The following TRIM2 variants were observed in gnomAD, a reference collection of about 807,000 sequenced individuals.
TRIM2 encodes tripartite motif-containing protein 2.
TRIM2 carries 20 observed loss-of-function variants against 75.2 expected under a neutral mutation model. The ratio of observed to expected loss-of-function variants is 0.27; its 90% CI spans 0.19 to 0.39. The LOEUF is 0.39. Ranked by LOEUF, TRIM2 falls within the 10% of genes least tolerant of loss-of-function variation. TRIM2 has a pLI of 1.00. For synonymous variants in TRIM2, 373 were observed against 388.3 expected, an observed-to-expected ratio of 0.96 and a Z score of 0.46; for missense variants, 660 against 990.8, an observed-to-expected ratio of 0.67 and a Z score of 4.48.
intron 6 of TRIM2, among the ~76,000 whole-genome samples, chr4:153,309,030 A>C (rs1277400553): frequency 1.3e-5 from 2 of 152,218 alleles, no homozygotes; most frequent in Non-Finnish European, 2.9e-5. Flanking sequence ...AGTGCTAGGC[A>C]CTATGCTGTG....
intron 6 of TRIM2, among the ~76,000 whole-genome samples, chr4:153,296,553 C>T (rs1762811310): frequency 6.6e-6 from 1 of 152,180 alleles, no homozygotes; most frequent in Admixed American, 6.5e-5. Context: ...AAGTTGCAAC[C>T]ACCTCCAGCT....
chr4:153,295,694 G>A lies in TRIM2; in HGVS notation c.1168G>A (p.Ala390Thr), dbSNP rs754123914. Residue 390 changes from alanine (A) to threonine (T), a missense_variant, in exon 6 of 12, where the codon GCC (alanine) becomes ACC (threonine). Coordinates refer to ENST00000338700, the MANE Select transcript of TRIM2 (RefSeq NM_015271.5). This position sits in a 1 kb window ranked among gnomAD's most constrained non-coding sequence, Gnocchi z 7.2. The part of the protein sequence containing the change: ...KDGELCKTGN[A>T]YLTAELSTPD... ...CGGTGAGCTGTGCAAAACCGGCAAC[G>A]CCTACCTCACCGCCGAACTGAGCAC... is the stretch of plus-strand genomic sequence containing the variant. The A allele has an allele frequency of 5.0e-6, 8 of 1,613,944 alleles. No individual in the cohort carries two copies. The highest frequency in any genetic ancestry group is 2.2e-5 in the East Asian group (1 of 44,872).
Position 153,244,363 on chromosome 4 carries a change from CTTCT to C in TRIM2, c.31-25970_31-25967del, listed in dbSNP as rs1748140562. Among the ~76,000 whole-genome samples the C allele has an allele frequency of 1.9e-4, 7 of 36,372 alleles. 2 individuals are homozygous for C. The highest frequency in any genetic ancestry group is 6.8e-4 in the African/African-American group (3 of 4,442). 23.9% of individuals were successfully genotyped at this position (36,372 alleles called of 152,430 possible). ...TCTTCTTCTTCTTCTTCCTCTTCTT[CTTCT>C]TCTTCTTCTTCTTCTTCTTCTTCTT... On this transcript the variant is annotated intron_variant, in intron 1 of 11. Transcript: ENST00000338700.
At chr4:153,283,161 T>G (rs1759749322) in intron 3 of TRIM2, among the ~76,000 whole-genome samples, 1 of 152,172 alleles carries the variant, frequency 6.6e-6, no homozygotes, top group Admixed American at 6.5e-5. Context: ...TGTCTAAATT[T>G]CAGAACGTAT....
In TRIM2 at chr4:153,248,081, C is replaced by T. The variant is rs960429688; in HGVS notation, c.31-22254C>T. On this transcript the variant is annotated intron_variant, in intron 1 of 11. Transcript: ENST00000338700. This position sits in a 1 kb window ranked among gnomAD's most constrained non-coding sequence, Gnocchi z 4.0. ...CACAGTCTCTGCTCACTGGCGCGTC[C>T]GCCTCTGGGATTCAAGCGATTCTTG... 3.3e-5 allele frequency among the ~76,000 whole-genome samples: 5 copies of T among 151,344 alleles called. No individual in the cohort carries two copies. Among genetic ancestry groups the T allele is most frequent in the African/African-American group, 9.7e-5 (4 of 41,146 alleles).
At chr4:153,326,109 A>T (rs1241701403) in intron 10 of TRIM2, among the ~76,000 whole-genome samples, 1 of 152,194 alleles carries the variant, frequency 6.6e-6, no homozygotes, top group East Asian at 1.9e-4. Flanking sequence ...TGATTTTTTT[A>T]AAAAACTTGC....
At chr4:153,233,190 A>C (rs1744119737) in intron 1 of TRIM2, among the ~76,000 whole-genome samples, 1 of 152,216 alleles carries the variant, frequency 6.6e-6, no homozygotes. Context: ...AAAGTTCTCT[A>C]CTTCCAAAGC....
chr4:153,233,874 C>G (rs779517199), intron 1 of TRIM2, among the ~76,000 whole-genome samples: 1 of 152,112 alleles, frequency 6.6e-6, no homozygotes, highest in East Asian at 1.9e-4. Context: ...ATTTCTGCCA[C>G]GGAGGTATGA....
intron 1 of TRIM2, among the ~76,000 whole-genome samples, chr4:153,263,038 A>C (rs1426689243): frequency 2.6e-5 from 4 of 152,216 alleles, no homozygotes; most frequent in Non-Finnish European, 5.9e-5. Flanking sequence ...GCATTAGACT[A>C]TCACATGGGA....
chr4:153,290,340 T>C (rs1579384019), intron 3 of TRIM2, among the ~76,000 whole-genome samples: 1 of 152,246 alleles, frequency 6.6e-6, no homozygotes, highest in East Asian at 1.9e-4. Context: ...CGTATAGTTT[T>C]AGATCGTTCT....
intron 1 of TRIM2, among the ~76,000 whole-genome samples, chr4:153,249,465 G>C (rs933145352): frequency 6.6e-6 from 1 of 152,270 alleles, no homozygotes; most frequent in Admixed American, 6.5e-5. Context: ...TTGGTCAGTA[G>C]AGAGGAACAT....
intron 8 of TRIM2, among the ~76,000 whole-genome samples, chr4:153,321,930 AGTTTAAGGAAATGAAATCCATCT>A (rs1269028446): frequency 1.3e-5 from 2 of 152,240 alleles, no homozygotes; most frequent in Middle Eastern, 3.4e-3. Context: ...AGGAATCTGA[AGTTTAAGGAAATGAAATCCATCT>A]GTGCTATTCC....
chr4:153,276,280 C>G (rs1758013435), intron 3 of TRIM2, 150 bp downstream of exon 3: 1 of 653,466 alleles, frequency 1.5e-6, no homozygotes, highest in Non-Finnish European at 2.7e-6. Flanking sequence ...CTCAGACTAC[C>G]TGCTCACTTT....
chr4:153,244,165 C>CTTG (rs1183435909), intron 1 of TRIM2, among the ~76,000 whole-genome samples: 2 of 146,704 alleles, frequency 1.4e-5, no homozygotes, highest in African/African-American at 2.6e-5. Context: ...TCTTCTTCTT[C>CTTG]TTCTTCTTCT....
intron 6 of TRIM2, among the ~76,000 whole-genome samples, chr4:153,296,738 C>T (rs1762855937): frequency 6.6e-6 from 1 of 152,230 alleles, no homozygotes; most frequent in African/African-American, 2.4e-5. Flanking sequence ...TTTAAACTTT[C>T]TATGTTCTCA....
At chr4:153,157,203 A>C (rs1729313096) in intron 1 of TRIM2, 1 of 152,236 alleles carries the variant, frequency 6.6e-6, no homozygotes, top group African/African-American at 2.4e-5. Flanking sequence ...ATCCTTAAGC[A>C]GCTGCCTGTT....
At chr4:153,204,327 AAC>A, upstream of TRIM2, 1 of 606,246 alleles carries the variant, frequency 1.6e-6, no homozygotes, top group Non-Finnish European at 3.0e-6. Context: ...ATCTTAAGCA[AAC>A]AGAGCCCAAA....
At chr4:153,218,643 C>T (rs1329641383) in intron 1 of TRIM2, among the ~76,000 whole-genome samples, 2 of 152,156 alleles carry the variant, frequency 1.3e-5, no homozygotes, top group Non-Finnish European at 2.9e-5. Context: ...CTACCCTTTC[C>T]GTATAGTATT....
rs142180783 is a variant in TRIM2, at chr4:153,328,053, G to A, written c.2023-477G>A. Among the ~76,000 whole-genome samples the A allele has an allele frequency of 4.2e-3, 643 of 152,228 alleles. 6 individuals are homozygous for A. The highest frequency in any genetic ancestry group is 0.015 in the African/African-American group (603 of 41,550). On this transcript the variant is annotated intron_variant, in intron 10 of 11. Transcript: ENST00000338700. ...CCAGCCTACTCTTTCTAGTTATGTT[G>A]ATGTAGTAAAATGATAATAAATTCT... is the stretch of plus-strand genomic sequence containing the variant.
Sources: gnomAD v4.1 joint callset for allele counts (sites outside exome capture counted in the v4.1 genomes callset) on GRCh38, gnomAD v4.1.1 for gene constraint, Gnocchi (gnomAD v3.1) non-coding constraint, MANE v1.5 for transcripts, NCBI Gene and HGNC (gene_info 2026-07-23, HGNC 2026-07-21) for gene names.